Variants in CPNE4 observed in about 807,000 individuals in gnomAD.
The protein encoded by CPNE4 is copine-4.
Under a neutral mutation model 67.9 loss-of-function variants are expected in CPNE4, and 25 were observed. The observed-to-expected ratio is 0.37, with a 90% CI of 0.27 to 0.51. CPNE4 has a LOEUF of 0.51. Ranked by LOEUF, CPNE4 falls within the 20% of genes least tolerant of loss-of-function variation. The pLI, the probability that CPNE4 is intolerant of heterozygous loss-of-function variation, is 0.93. For synonymous variants in CPNE4, 242 were observed against 244.9 expected (o/e 0.99, Z 0.11); for missense variants, 464 against 690.8 (o/e 0.67, Z 3.68).
chr3:131,638,936 A>G (rs2079466184), intron 7 of CPNE4, among the ~76,000 whole-genome samples: 1 of 152,186 alleles, frequency 6.6e-6, no homozygotes, highest in Non-Finnish European at 1.5e-5. Context: ...TGAAATCAAT[A>G]TGGAAATTAA....
chr3:131,932,073 G>A (rs2071079095), intron 1 of CPNE4, among the ~76,000 whole-genome samples: 2 of 152,134 alleles, frequency 1.3e-5, no homozygotes, highest in African/African-American at 4.8e-5. Context: ...AAAATTCATG[G>A]GCTTTCCTGA....
chr3:131,681,020 G>C (rs1386036176), intron 6 of CPNE4, among the ~76,000 whole-genome samples: 2 of 152,148 alleles, frequency 1.3e-5, no homozygotes, highest in African/African-American at 4.8e-5. Context: ...TGGCTAAGTA[G>C]TATTCCATGG....
intron 2 of CPNE4, among the ~76,000 whole-genome samples, chr3:131,885,488 G>T (rs866039776): frequency 6.6e-6 from 1 of 151,558 alleles, no homozygotes; most frequent in Non-Finnish European, 1.5e-5. Context: ...AGTGGGCAAA[G>T]GATGGTGTTT....
At chr3:131,579,825 A>C (rs749028592) in intron 9 of CPNE4, among the ~76,000 whole-genome samples, 1 of 152,216 alleles carries the variant, frequency 6.6e-6, no homozygotes, top group Non-Finnish European at 1.5e-5. Flanking sequence ...ATAAACAAAG[A>C]AAGTGGTTTC....
chr3:131,663,280 G>A (rs1438136698), intron 7 of CPNE4, among the ~76,000 whole-genome samples: 1 of 151,982 alleles, frequency 6.6e-6, no homozygotes, highest in Non-Finnish European at 1.5e-5. Context: ...ATGGACACAG[G>A]GAGGGGAACA....
intron 7 of CPNE4, 27 bp from the exon 8 acceptor site, chr3:131,587,609 TA>T (rs767221554): frequency 3.3e-6 from 5 of 1,534,754 alleles, no homozygotes; most frequent in Middle Eastern, 1.7e-4. Context: ...TGATCTTTCT[TA>T]AAAAATTAAG....
chr3:131,581,799 C>A, intron 8 of CPNE4, 134 bp from the exon 9 acceptor site: 1 of 660,266 alleles, frequency 1.5e-6, no homozygotes, highest in Non-Finnish European at 2.7e-6. Flanking sequence ...GTAACTCTTG[C>A]ATCTAGAGGA....
intron 1 of CPNE4, among the ~76,000 whole-genome samples, chr3:131,908,762 T>G (rs189736206): frequency 1.3e-5 from 2 of 152,158 alleles, no homozygotes. Flanking sequence ...GCAAAAAGAC[T>G]CTGTCAAGGA....
intron 7 of CPNE4, among the ~76,000 whole-genome samples, chr3:131,649,745 C>T (rs1016755195): frequency 6.6e-6 from 1 of 152,066 alleles, no homozygotes; most frequent in Admixed American, 6.6e-5. Flanking sequence ...ATAAGGTATG[C>T]AAAACCTAAG....
At chr3:132,019,904 C>T (rs2073957601) in intron 1 of CPNE4, among the ~76,000 whole-genome samples, 1 of 152,178 alleles carries the variant, frequency 6.6e-6, no homozygotes, top group South Asian at 2.1e-4. Context: ...TGCCCACTAG[C>T]CCTACAGCCT....
At chr3:131,721,171 A>G (rs1473505245) in intron 3 of CPNE4, among the ~76,000 whole-genome samples, 7 of 152,106 alleles carry the variant, frequency 4.6e-5, no homozygotes, top group African/African-American at 1.7e-4. Context: ...TGCTGCTTGA[A>G]GGCAAGGATT....
At chr3:131,558,095 G>C (rs555770397) in intron 11 of CPNE4, among the ~76,000 whole-genome samples, 1 of 152,072 alleles carries the variant, frequency 6.6e-6, no homozygotes, top group East Asian at 1.9e-4. Flanking sequence ...ATGATGCACT[G>C]CTATGTAATC....
intron 1 of CPNE4, among the ~76,000 whole-genome samples, chr3:131,975,493 A>G (rs1457153016): frequency 6.6e-6 from 1 of 152,196 alleles, no homozygotes; most frequent in Non-Finnish European, 1.5e-5. Flanking sequence ...AAACATTCTA[A>G]AACTATGACA....
chr3:132,017,305 G>A (rs1346748312), intron 1 of CPNE4: 1 of 151,836 alleles, frequency 6.6e-6, no homozygotes, highest in Non-Finnish European at 1.5e-5. Flanking sequence ...ATGGGAGAAG[G>A]GAAGAAAGAG....
rs78685901 is a variant in CPNE4, at chr3:131,896,501, G to A, written c.180+8763C>T. Among the ~76,000 whole-genome samples the A allele has an allele frequency of 9.1e-4, 138 of 152,160 alleles. 1 individual carries two copies. Among genetic ancestry groups the A allele is most frequent in the African/African-American group, 3.2e-3 (134 of 41,548 alleles). Reference sequence around the variant, plus strand: ...TACATCCCCTACAAACCACAAAGGTGAACTCTAATAGGGAAAATATGTATG... The same window carrying A: ...TACATCCCCTACAAACCACAAAGGTAAACTCTAATAGGGAAAATATGTATG... On this transcript the variant is annotated intron_variant, in intron 2 of 15. Coordinates refer to ENST00000429747, the MANE Select transcript of CPNE4 (RefSeq NM_130808.3).
At chr3:131,599,342 T>C (rs1399039468) in intron 7 of CPNE4, among the ~76,000 whole-genome samples, 2 of 152,218 alleles carry the variant, frequency 1.3e-5, no homozygotes, top group African/African-American at 4.8e-5. Context: ...CCCTTGATTA[T>C]TGTCCCTTAA....
At chr3:131,837,924 C>T (rs1278956094) in intron 2 of CPNE4, among the ~76,000 whole-genome samples, 2 of 151,876 alleles carry the variant, frequency 1.3e-5, no homozygotes, top group South Asian at 2.1e-4. Context: ...ATTAAATTCA[C>T]TCATTTCAAG....
At chr3:131,963,196 G>C (rs1443186408) in intron 1 of CPNE4, among the ~76,000 whole-genome samples, 1 of 152,098 alleles carries the variant, frequency 6.6e-6, no homozygotes, top group Non-Finnish European at 1.5e-5. Flanking sequence ...ATGAGGGACT[G>C]TCCTATCTGT....
chr3:131,623,899 C>T (rs7646444), intron 7 of CPNE4, among the ~76,000 whole-genome samples: 2 of 151,952 alleles, frequency 1.3e-5, no homozygotes, highest in East Asian at 1.9e-4. Flanking sequence ...TTCATTCAAT[C>T]GGTAATGGGT....
Sources: allele counts gnomAD v4.1 joint callset (sites outside exome capture counted in the v4.1 genomes callset), GRCh38; gene constraint gnomAD v4.1.1; transcripts MANE v1.5; gene names NCBI Gene and HGNC (gene_info 2026-07-23, HGNC 2026-07-21).